The following NPHP3 variants were observed in gnomAD, a reference collection of about 807,000 sequenced individuals.
The protein encoded by NPHP3 is nephrocystin 3.
NPHP3 carries 123 observed loss-of-function variants against 171.9 expected under a neutral mutation model. That is an observed-to-expected ratio of 0.72 (90% CI 0.62 to 0.83). The LOEUF (loss-of-function observed/expected upper bound fraction) is 0.83. Ranked by LOEUF, NPHP3 falls within the 40% of genes least tolerant of loss-of-function variation. NPHP3 has a pLI of 0.00. For missense variants in NPHP3, 1,506 were observed against 1,591.9 expected (o/e 0.95, Z 0.92); for synonymous variants, 558 against 579.2 (o/e 0.96, Z 0.52).
chr3:132,689,158 G>A lies in NPHP3; in HGVS notation c.2799C>T (p.Cys933=), dbSNP rs758802852. 96 of 1,613,928 alleles carry A rather than the reference G, an allele frequency of 5.9e-5. No homozygotes were observed. The highest frequency in any genetic ancestry group is 8.9e-5 in the East Asian group (4 of 44,888). Residue 933 remains cysteine, a synonymous_variant, in exon 20 of 27, where the codon TGC becomes TGT. Transcript: ENST00000337331. ...AGCAACTCATGTTGTCCTCGCCTTCGCAGTTTTTCTCATACTGCTTCAATG... is the reference window on the plus strand; with the variant it reads ...AGCAACTCATGTTGTCCTCGCCTTCACAGTTTTTCTCATACTGCTTCAATG... ...FDSLKQYEKN[C]EGEDNMSCLA...
At chr3:132,721,736 G>C (rs1300119322) in intron 1 of NPHP3, 1 of 706,682 alleles carries the variant, frequency 1.4e-6, no homozygotes, top group Non-Finnish European at 2.5e-6. Flanking sequence ...AGGAGTTCCA[G>C]GTTGCAGTGA....
intron 16 of NPHP3, 44 bp from the exon 17 acceptor site, chr3:132,692,862 T>G: frequency 6.6e-7 from 1 of 1,526,386 alleles, no homozygotes; most frequent in Admixed American, 1.7e-5. Context: ...AGCACCTGTA[T>G]AAGTAACTAA....
At position 132,722,366 on chromosome 3, in the gene NPHP3, G is replaced by A. The variant is rs1399359353; in HGVS notation, c.-11C>T. The A allele has an allele frequency of 6.3e-7, 1 of 1,575,778 alleles. No homozygotes were observed. Among genetic ancestry groups the A allele is most frequent in the Middle Eastern group, 2.2e-4 (1 of 4,526 alleles). On this transcript the variant is annotated 5_prime_UTR_variant, in exon 1 of 27. Coordinates refer to ENST00000337331, the MANE Select transcript of NPHP3 (RefSeq NM_153240.5). ...CGAGGCGGTCCCCATGGCGTCCGTT[G>A]CCGCTACTACCTAGTGAGTACCAGC...
intron 10 of NPHP3, 65 bp from the exon 11 acceptor site, chr3:132,700,513 A>G: frequency 1.0e-6 from 1 of 963,926 alleles, no homozygotes; most frequent in Non-Finnish European, 1.6e-6. Context: ...TAAAAAAAGA[A>G]TTCACAATGC....
intron 16 of NPHP3, chr3:132,693,872 C>CG (rs1358148127): frequency 4.4e-4 from 59 of 135,588 alleles, no homozygotes; most frequent in African/African-American, 1.7e-3. Flanking sequence ...GACTCTGTCT[C>CG]GGGAAAAAAA....
rs1424325852 is a variant in NPHP3 at position 132,722,397 on chromosome 3, T to TGGGCAGCGGAACGGAACGGGACGGGGCG, written c.-43_-42insCGCCCCGTCCCGTTCCGTTCCGCTGCCC. 6.5e-7 allele frequency: 1 copy of TGGGCAGCGGAACGGAACGGGACGGGGCG among 1,533,782 alleles called. No homozygotes were observed. The highest frequency in any genetic ancestry group is 1.5e-5 in the African/African-American group (1 of 67,534). Reference sequence around the variant, plus strand: ...ACTACCTAGTGAGTACCAGCAGGACTGGGCAGCGGAACGGAACGGGACGGG... The same window carrying TGGGCAGCGGAACGGAACGGGACGGGGCG: ...ACTACCTAGTGAGTACCAGCAGGACTGGGCAGCGGAACGGAACGGGACGGGGCGGGGCAGCGGAACGGAACGGGACGGG... On this transcript the variant is annotated 5_prime_UTR_variant, in exon 1 of 27. Transcript: ENST00000337331.
Position 132,681,655 on chromosome 3 carries a change from C to T in NPHP3, c.*255G>A, listed in dbSNP as rs1348242957. The T allele has an allele frequency of 4.2e-5, 19 of 450,642 alleles. No individual in the cohort carries two copies. The highest frequency in any genetic ancestry group is 6.9e-5 in the Non-Finnish European group (17 of 245,210). The allele number at this position is 450,642 out of a possible 1,614,324, so 27.9% of individuals were successfully genotyped here. A position where few individuals can be genotyped will look rare whatever the true frequency, so the allele number is the denominator to read the frequency against. ...ACCAATCCGCTCTTCATGATTTGCT[C>T]CTCATGTCTTCTTATAATTCTAATG... On this transcript the variant is annotated 3_prime_UTR_variant, in exon 27 of 27. Coordinates refer to ENST00000337331, the MANE Select transcript of NPHP3 (RefSeq NM_153240.5).
chr3:132,710,495 G>A (rs1466706256), intron 6 of NPHP3, among the ~76,000 whole-genome samples: 3 of 152,172 alleles, frequency 2.0e-5, no homozygotes, highest in African/African-American at 7.2e-5. Context: ...TCGCCCCTCT[G>A]TGCTGCTGTG....
At chr3:132,721,822 T>G in intron 1 of NPHP3, 141 bp downstream of exon 1, 1 of 1,044,012 alleles carries the variant, frequency 9.6e-7, no homozygotes, top group African/African-American at 1.6e-5. Context: ...AAGGAATCAT[T>G]TCAGACTCGA....
At position 132,722,201 on chromosome 3, in the gene NPHP3, GC is replaced by G; in HGVS notation, c.154del (p.Ala52GlnfsTer97). The G allele has an allele frequency of 6.6e-7, 1 of 1,509,800 alleles. No individual in the cohort carries two copies. The highest frequency in any genetic ancestry group is 8.8e-7 in the Non-Finnish European group (1 of 1,138,068). The allele number at this position is 1,509,800 out of a possible 1,614,324, so 93.5% of individuals were successfully genotyped here. On this transcript the variant is annotated frameshift_variant, in exon 1 of 27. Coordinates refer to ENST00000337331, the MANE Select transcript of NPHP3 (RefSeq NM_153240.5). LOFTEE classifies it high-confidence loss of function. Reference sequence around the variant, plus strand: ...CAGCGACCCGGGCCCGGCCCCTGCTGCCGCCCCCGCGCCTCGGCGGAACGAG... The same window carrying G: ...CAGCGACCCGGGCCCGGCCCCTGCTGCGCCCCCGCGCCTCGGCGGAACGAG... ...RNSFRRGAGA[A>X]AGAGPGSLPR... is the part of the protein sequence containing the mutation.
intron 19 of NPHP3, 48 bp from the exon 20 acceptor site, chr3:132,689,311 C>A: frequency 6.3e-7 from 1 of 1,579,204 alleles, no homozygotes; most frequent in South Asian, 1.1e-5. Context: ...ACTTTAAAAT[C>A]CATTACAGAA....
chr3:132,691,146 G>C lies in NPHP3; in HGVS notation c.2570+46C>G, dbSNP rs1012600891. The C allele has an allele frequency of 3.1e-6, 4 of 1,293,550 alleles. No individual in the cohort carries two copies. The Admixed American group carries it at 6.7e-5, about 22-fold the overall frequency. 80.1% of individuals were successfully genotyped at this position (1,293,550 alleles called of 1,614,324 possible). On this transcript the variant is annotated intron_variant, in intron 18 of 26. Coordinates refer to ENST00000337331, the MANE Select transcript of NPHP3 (RefSeq NM_153240.5). ...AAACAGAAATAAGGACACAAAGGTA[G>C]TGTGTTGCAGAAGTTACAGAAGAAC... is the stretch of plus-strand genomic sequence containing the variant.
At chr3:132,709,143 A>T (rs1474842950) in intron 6 of NPHP3, among the ~76,000 whole-genome samples, 1 of 152,248 alleles carries the variant, frequency 6.6e-6, no homozygotes, top group East Asian at 1.9e-4. Flanking sequence ...GAAGGTAAAA[A>T]AAATCCCAAA....
At chr3:132,709,848 C>T (rs951505176) in intron 6 of NPHP3, among the ~76,000 whole-genome samples, 3 of 152,188 alleles carry the variant, frequency 2.0e-5, no homozygotes, top group African/African-American at 4.8e-5. Context: ...ATTAAAATCA[C>T]TCTGGCCATG....
rs75243687 is a variant in NPHP3, at chr3:132,716,070, T to C, written c.823+687A>G. Reference sequence around the variant, plus strand: ...ACAACATTGTAAGACTTCTTATCAATTTTTTTTAGCTCATCAACTATCATT... The same window carrying C: ...ACAACATTGTAAGACTTCTTATCAACTTTTTTTAGCTCATCAACTATCATT... On this transcript the variant is annotated intron_variant, in intron 4 of 26. Coordinates refer to ENST00000337331, the MANE Select transcript of NPHP3 (RefSeq NM_153240.5). Among the ~76,000 whole-genome samples the C allele has an allele frequency of 2.6e-4, 40 of 152,202 alleles. No individual in the cohort carries two copies. In the East Asian group the frequency reaches 7.5e-3, roughly 29 times the overall value.
At chr3:132,701,854 CTACTAAAAA>C (rs1362833125) in intron 9 of NPHP3, among the ~76,000 whole-genome samples, 1 of 152,132 alleles carries the variant, frequency 6.6e-6, no homozygotes, top group African/African-American at 2.4e-5. Flanking sequence ...AATCCTGTCT[CTACTAAAAA>C]TACAAAAACA....
rs1436740923 is a variant in NPHP3, at chr3:132,722,357, G to A, written c.-2C>T. On this transcript the variant is annotated 5_prime_UTR_variant, in exon 1 of 27. Coordinates refer to ENST00000337331, the MANE Select transcript of NPHP3 (RefSeq NM_153240.5). Reference sequence around the variant, plus strand: ...CACGAGCGACGAGGCGGTCCCCATGGCGTCCGTTGCCGCTACTACCTAGTG... The same window carrying A: ...CACGAGCGACGAGGCGGTCCCCATGACGTCCGTTGCCGCTACTACCTAGTG... The A allele has an allele frequency of 6.3e-7, 1 of 1,576,714 alleles. No homozygotes were observed. Among genetic ancestry groups the A allele is most frequent in the Admixed American group, 1.7e-5 (1 of 57,862 alleles).
intron 8 of NPHP3, 58 bp downstream of exon 8, chr3:132,705,682 T>G: frequency 2.1e-6 from 2 of 948,362 alleles, no homozygotes; most frequent in Non-Finnish European, 3.4e-6. Flanking sequence ...AAAATCAATT[T>G]CATAGAAAGT....
In NPHP3 at chr3:132,704,238, T is replaced by A; in HGVS notation, c.1484A>T (p.Gln495Leu). Residue 495 changes from glutamine to leucine, a missense_variant, in exon 9 of 27, where the codon CAG (glutamine) becomes CTG (leucine). Around this residue, in one of 3 missense-constraint regions of NPHP3, gnomAD observed 930 missense variants for 924.9 expected, o/e 1.01. Transcript: ENST00000337331. ...CTCATGGGCTGAATTAGAAGCCTGC[T>A]GAAAAGTTTCCATTTGCTCTTGTTC... ...HDEQEQMETF[Q>L]QASNSAHELG... The A allele has an allele frequency of 6.2e-7, 1 of 1,614,214 alleles. No individual in the cohort carries two copies. The highest frequency in any genetic ancestry group is 1.3e-5 in the African/African-American group (1 of 75,066).
Sources: gnomAD v4.1 joint callset for allele counts (sites outside exome capture counted in the v4.1 genomes callset) on GRCh38, gnomAD v4.1.1 for gene constraint, gnomAD v4.1.1 regional missense constraint, MANE v1.5 for transcripts, NCBI Gene and HGNC (gene_info 2026-07-23, HGNC 2026-07-21) for gene names.